The following PRKN variants were observed in gnomAD, a reference collection of about 807,000 sequenced individuals.
PRKN encodes parkin RBR E3 ubiquitin protein ligase.
PRKN carries 56 observed loss-of-function variants against 59.5 expected under a neutral mutation model. That is an observed-to-expected ratio of 0.94 (90% CI 0.76 to 1.18). PRKN has a LOEUF of 1.18. Ranked by LOEUF, PRKN falls within the 50% of genes most tolerant of loss-of-function variation. The probability of loss-of-function intolerance (pLI) is 0.00; values close to 1 mark genes in which losing one functional copy is unlikely to be tolerated. For missense variants in PRKN, 657 were observed against 596.4 expected, an observed-to-expected ratio of 1.10 and a Z score of -1.06; for synonymous variants, 250 against 222.1, an observed-to-expected ratio of 1.13 and a Z score of -1.12.
At chr6:162,650,731 T>G in intron 1 of PRKN, among the ~76,000 whole-genome samples, 1 of 152,154 alleles carries the variant, frequency 6.6e-6, no homozygotes, top group African/African-American at 2.4e-5. Flanking sequence ...TCTCCTAATG[T>G]TTTTCTCCAT....
Position 162,708,942 on chromosome 6 carries a change from C to T in PRKN, c.7+18720G>A, listed in dbSNP as rs1397663055. On this transcript the variant is annotated intron_variant, in intron 1 of 11. Transcript: ENST00000366898. Reference sequence around the variant, plus strand: ...ATTTACAGGTGCTCCCTATCACTTGCCTTACCACCTGAGCTCCACCTCCTG... The same window carrying T: ...ATTTACAGGTGCTCCCTATCACTTGTCTTACCACCTGAGCTCCACCTCCTG... Among the ~76,000 whole-genome samples the T allele has an allele frequency of 1.9e-4, 29 of 152,166 alleles. 1 individual carries two copies. Among genetic ancestry groups the T allele is most frequent in the Admixed American group, 1.9e-3 (29 of 15,276 alleles).
At chr6:162,040,853 A>G (rs564346954) in intron 5 of PRKN, among the ~76,000 whole-genome samples, 8 of 152,174 alleles carry the variant, frequency 5.3e-5, no homozygotes, top group Admixed American at 3.9e-4. Context: ...AGTGAGGAAG[A>G]AAAACAACAA....
chr6:162,060,656 C>T (rs1351261632), intron 4 of PRKN, among the ~76,000 whole-genome samples: 1 of 152,100 alleles, frequency 6.6e-6, no homozygotes, highest in Non-Finnish European at 1.5e-5. Context: ...AGACACAGTC[C>T]AGACTGACAA....
chr6:161,885,542 G>A (rs999224338), intron 6 of PRKN, among the ~76,000 whole-genome samples: 7 of 151,936 alleles, frequency 4.6e-5, no homozygotes, highest in Non-Finnish European at 7.4e-5. Context: ...GCGGGCCCCT[G>A]TAGTCCCAGC....
intron 7 of PRKN, chr6:161,716,070 CTT>C: frequency 1.2e-6 from 1 of 857,006 alleles, no homozygotes; most frequent in Non-Finnish European, 1.5e-6. Context: ...CTGGGCCCAT[CTT>C]ACCGACTCCT....
At chr6:162,657,912 C>T (rs1778710322) in intron 1 of PRKN, among the ~76,000 whole-genome samples, 1 of 152,192 alleles carries the variant, frequency 6.6e-6, no homozygotes, top group Non-Finnish European at 1.5e-5. Flanking sequence ...CCTAAAATGA[C>T]ATCTCTGCCT....
At chr6:162,319,597 C>T (rs1199101288) in intron 2 of PRKN, among the ~76,000 whole-genome samples, 1 of 151,954 alleles carries the variant, frequency 6.6e-6, no homozygotes, top group Non-Finnish European at 1.5e-5. Flanking sequence ...GCGTAACATT[C>T]ATTATCTCAT....
chr6:162,265,465 C>T (rs562437182), intron 2 of PRKN, among the ~76,000 whole-genome samples: 28 of 152,144 alleles, frequency 1.8e-4, no homozygotes, highest in Middle Eastern at 3.4e-3. Flanking sequence ...CTGGGGTGGG[C>T]GGATCACTTG....
At chr6:161,478,674 G>A (rs1283907240) in intron 9 of PRKN, among the ~76,000 whole-genome samples, 3 of 152,102 alleles carry the variant, frequency 2.0e-5, no homozygotes, top group Non-Finnish European at 4.4e-5. Context: ...GCAAAGCCTT[G>A]TCTTTAGAAA....
At chr6:161,708,265 T>C (rs1562622927) in intron 7 of PRKN, among the ~76,000 whole-genome samples, 3 of 152,150 alleles carry the variant, frequency 2.0e-5, no homozygotes, top group African/African-American at 4.8e-5. Flanking sequence ...TGTCTGATGG[T>C]TGAACTTAGG....
chr6:162,455,978 T>C (rs1583602042), intron 1 of PRKN, among the ~76,000 whole-genome samples: 1 of 152,164 alleles, frequency 6.6e-6, no homozygotes, highest in South Asian at 2.1e-4. Context: ...AATGTCTCTA[T>C]ATAATTTTGT....
At chr6:161,911,257 A>T (rs893276204) in intron 6 of PRKN, among the ~76,000 whole-genome samples, 2 of 152,162 alleles carry the variant, frequency 1.3e-5, no homozygotes, top group African/African-American at 4.8e-5. Context: ...TCACTCATAT[A>T]CACACAGCTG....
At chr6:162,456,873 C>T (rs1790899200) in intron 1 of PRKN, among the ~76,000 whole-genome samples, 1 of 152,176 alleles carries the variant, frequency 6.6e-6, no homozygotes, top group African/African-American at 2.4e-5. Flanking sequence ...CCACAACGGA[C>T]ATCACCACCT....
chr6:162,060,882 G>T (rs760845666), intron 4 of PRKN, among the ~76,000 whole-genome samples: 15 of 152,154 alleles, frequency 9.9e-5, no homozygotes, highest in Non-Finnish European at 2.1e-4. Context: ...CATCGAATAT[G>T]AAGGATTTCA....
At chr6:161,861,779 A>T (rs1002926995) in intron 6 of PRKN, among the ~76,000 whole-genome samples, 1 of 152,172 alleles carries the variant, frequency 6.6e-6, no homozygotes, top group African/African-American at 2.4e-5. Flanking sequence ...CAAAAACCTG[A>T]TAGTAATTGA....
Position 162,155,380 on chromosome 6 carries a change from TTAC to T in PRKN, c.534+45748_534+45750del, listed in dbSNP as rs554573082. ...TCCTGATTCGTCTAATACAAGTTTA[TTAC>T]ATCAAAATCCCTATCTACTCTCATC... On this transcript the variant is annotated intron_variant, in intron 4 of 11. Transcript: ENST00000366898. 3.3e-5 allele frequency among the ~76,000 whole-genome samples: 5 copies of T among 152,310 alleles called. No homozygotes were observed. In the East Asian group the frequency reaches 9.7e-4, roughly 29 times the overall value.
Position 162,317,626 on chromosome 6 carries a change from C to T in PRKN, c.172-54861G>A, listed in dbSNP as rs139518232. Reference sequence around the variant, plus strand: ...ACACACTCACTCGATTGGGGAGAAACGTGGGGATTCTCTCTACAAAGAGCA... The same window carrying T: ...ACACACTCACTCGATTGGGGAGAAATGTGGGGATTCTCTCTACAAAGAGCA... On this transcript the variant is annotated intron_variant, in intron 2 of 11. Coordinates refer to ENST00000366898, the MANE Select transcript of PRKN (RefSeq NM_004562.3). 7.5e-3 allele frequency among the ~76,000 whole-genome samples: 1,134 copies of T among 152,040 alleles called. 14 individuals carry two copies. Among genetic ancestry groups the T allele is most frequent in the Non-Finnish European group, 0.012 (803 of 67,998 alleles).
intron 6 of PRKN, among the ~76,000 whole-genome samples, chr6:161,789,545 G>A (rs1014597118): frequency 2.0e-5 from 3 of 152,156 alleles, no homozygotes; most frequent in Non-Finnish European, 2.9e-5. Flanking sequence ...TCCAGTTCAA[G>A]ACTAAAGATC....
intron 3 of PRKN, among the ~76,000 whole-genome samples, chr6:162,245,288 G>T (rs564050922): frequency 1.3e-5 from 2 of 152,040 alleles, no homozygotes; most frequent in Non-Finnish European, 2.9e-5. Flanking sequence ...AAATATTATG[G>T]TTTATTGCCC....
Sources: gnomAD v4.1 joint callset for allele counts (sites outside exome capture counted in the v4.1 genomes callset) on GRCh38, gnomAD v4.1.1 for gene constraint, MANE v1.5 for transcripts, NCBI Gene and HGNC (gene_info 2026-07-23, HGNC 2026-07-21) for gene names.